Variants in APOA4 observed in about 807,000 individuals in gnomAD.
APOA4 encodes apolipoprotein A4.
APOA4 carries 25 observed loss-of-function variants against 33.6 expected under a neutral mutation model. The ratio of observed to expected loss-of-function variants is 0.74; its 90% CI spans 0.54 to 1.04. APOA4 has a LOEUF of 1.04. Among genes scored for constraint, APOA4 ranks in the 50% least tolerant of loss-of-function variants. APOA4 has a pLI of 0.00. For synonymous variants in APOA4, 228 were observed against 224.0 expected (o/e 1.02, Z -0.16); for missense variants, 549 against 510.4 (o/e 1.08, Z -0.73).
intron 2 of APOA4, 31 bp downstream of exon 2, chr11:116,822,628 C>T (rs770663902): frequency 9.2e-5 from 149 of 1,614,016 alleles, no homozygotes; most frequent in Middle Eastern, 3.3e-4. Context: ...AAGAATTCCC[C>T]GTCACCACCG....
intron 1 of APOA4, 128 bp from the exon 2 acceptor site, chr11:116,822,913 C>G: frequency 3.9e-6 from 6 of 1,519,218 alleles, no homozygotes; most frequent in South Asian, 1.1e-5. Context: ...CTGAGCTTAG[C>G]TTTTTGGAAG....
chr11:116,821,792 T>A lies in APOA4; in HGVS notation c.266A>T (p.Glu89Val). Residue 89 changes from glutamate (E) to valine (V), a missense_variant, in exon 3 of 3, where the codon GAA becomes GTA. Physicochemically the swap from Glu to Val is moderately radical, Grantham distance 121. Transcript: ENST00000357780. ...TTTCTCCGAGTCCTTGGCCAGGCGT[T>A]CATGCAGCTCGGTGGCAAAGGGCAC... ...KLVPFATELH[E>V]RLAKDSEKLK... 6.3e-7 allele frequency: 1 copy of A among 1,593,178 alleles called. No homozygotes were observed. Among genetic ancestry groups the A allele is most frequent in the Non-Finnish European group, 8.6e-7 (1 of 1,160,898 alleles).
At chr11:116,822,595 T>C (rs1941339418) in intron 2 of APOA4, 64 bp downstream of exon 2, 2 of 1,613,016 alleles carry the variant, frequency 1.2e-6, no homozygotes. Context: ...GCTCAACCCT[T>C]GCCAGTACAT....
chr11:116,821,941 T>C, intron 2 of APOA4, 60 bp from the exon 3 acceptor site: 1 of 1,601,570 alleles, frequency 6.2e-7, no homozygotes, highest in Non-Finnish European at 8.5e-7. Context: ...CAAGACTTTG[T>C]CTGCTTGTAT....
rs764465586 is a variant in APOA4 at position 116,821,299 on chromosome 11, C to T, written c.759G>A (p.Lys253=). The change falls in exon 3 of 3, where the codon AAG becomes AAA. Residue 253 remains lysine, a synonymous_variant. Coordinates refer to ENST00000357780, the MANE Select transcript of APOA4 (RefSeq NM_000482.4). ...CCTCGGCACTGGCCGAGATCCTGGC[C>T]TTGAGCTCCTCGGCGTTCTTCTTCA... ...FQMKKNAEEL[K]ARISASAEEL... is the part of the protein sequence containing the mutation. 6.2e-7 allele frequency: 1 copy of T among 1,613,910 alleles called. No individual in the cohort carries two copies. Among genetic ancestry groups the T allele is most frequent in the South Asian group, 1.1e-5 (1 of 91,088 alleles).
chr11:116,822,936 G>T, intron 1 of APOA4, 151 bp from the exon 2 acceptor site: 1 of 1,424,726 alleles, frequency 7.0e-7, no homozygotes, highest in Non-Finnish European at 9.7e-7. Flanking sequence ...ACAGGGATAT[G>T]TGAAACTGGT....
At chr11:116,821,968 A>G in intron 2 of APOA4, 87 bp from the exon 3 acceptor site, 1 of 1,561,986 alleles carries the variant, frequency 6.4e-7, no homozygotes, top group Non-Finnish European at 8.7e-7. Context: ...CGCCTTATGC[A>G]CACGTGCTAG....
In APOA4 at chr11:116,821,065, G is replaced by A. The variant is rs1941313983; in HGVS notation, c.993C>T (p.Pro331=). The change falls in exon 3 of 3, where the codon CCC becomes CCT. Residue 331 remains proline (P), a synonymous_variant. Transcript: ENST00000357780. The stretch of plus-strand genomic sequence containing the variant: ...AGTGGCCTTCCACGTCCCCCGCATG[G>A]GGGCCCAGTTTCTGCCTGAGCTGTT... ...QMEQLRQKLG[P]HAGDVEGHLS... 6.2e-7 allele frequency: 1 copy of A among 1,614,194 alleles called. No homozygotes were observed. The highest frequency in any genetic ancestry group is 8.5e-7 in the Non-Finnish European group (1 of 1,180,046).
At position 116,823,256 on chromosome 11, in the gene APOA4, G is replaced by A; in HGVS notation, c.-65C>T. ...CTGGATCCTCCCTACAATCAGGGGAGCTGACAGAGAGGTCCTCAGGAGAGC... is the reference window on the plus strand; with the variant it reads ...CTGGATCCTCCCTACAATCAGGGGAACTGACAGAGAGGTCCTCAGGAGAGC... On this transcript the variant is annotated 5_prime_UTR_variant, in exon 1 of 3. Transcript: ENST00000357780. The A allele has an allele frequency of 6.3e-7, 1 of 1,594,722 alleles. No individual in the cohort carries two copies. Among genetic ancestry groups the A allele is most frequent in the Non-Finnish European group, 8.6e-7 (1 of 1,162,496 alleles).
In APOA4 at chr11:116,821,657, C is replaced by T. The variant is rs202096537; in HGVS notation, c.401G>A (p.Arg134His). ...IGDNLRELQQ[R>H]LEPYADQLRT... ...CAGCTGGTCCGCGTAGGGCTCCAGG[C>T]GCTGCTGAAGCTCTCGCAGGTTGTC... The change falls in exon 3 of 3, where the codon CGC becomes CAC. Residue 134 changes from arginine (R) to histidine (H), a missense_variant. Arg to His is a conservative substitution (Grantham distance 29). Transcript: ENST00000357780. 1.2e-4 allele frequency: 194 copies of T among 1,607,510 alleles called. No homozygotes were observed. The Admixed American group carries it at 3.1e-3, about 25-fold the overall frequency.
At position 116,821,203 on chromosome 11, in the gene APOA4, C is replaced by CA. The variant is rs1387804075; in HGVS notation, c.854dup (p.Gln286AlafsTer87). On this transcript the variant is annotated frameshift_variant, in exon 3 of 3. Coordinates refer to ENST00000357780, the MANE Select transcript of APOA4 (RefSeq NM_000482.4). LOFTEE classifies it high-confidence loss of function. ...CACCCAGCTCTGCCAGTGACTTCTG[C>CA]AGCCCCTCGGTGTTGCCCCTCAGGT... 6.2e-6 allele frequency: 10 copies of CA among 1,613,302 alleles called. No individual in the cohort carries two copies. Among genetic ancestry groups the CA allele is most frequent in the Non-Finnish European group, 8.5e-6 (10 of 1,180,044 alleles).
chr11:116,822,464 G>A (rs1941338337), intron 2 of APOA4, among the ~76,000 whole-genome samples, 195 bp downstream of exon 2: 1 of 152,180 alleles, frequency 6.6e-6, no homozygotes, highest in Admixed American at 6.5e-5. Context: ...CAAAGCAAAA[G>A]GACATGGCAG....
At chr11:116,822,880 C>A in intron 1 of APOA4, 95 bp from the exon 2 acceptor site, 2 of 1,582,918 alleles carry the variant, frequency 1.3e-6, no homozygotes, top group Non-Finnish European at 8.6e-7. Context: ...GGTGGGGGTG[C>A]CTCAACCTGC....
chr11:116,821,500 G>C lies in APOA4; in HGVS notation c.558C>G (p.Leu186=), dbSNP rs763514750. The stretch of plus-strand genomic sequence containing the variant: ...CCACGTTCTGGTCGATCTTGGCCTT[G>C]AGCTCGTCGGCGTGGGGCCTCAGCG... ...QASLRPHADE[L]KAKIDQNVEE... is the part of the protein sequence containing the mutation. The change falls in exon 3 of 3, where the codon CTC becomes CTG. Residue 186 remains leucine, a synonymous_variant. Transcript: ENST00000357780. 1 of 1,614,020 alleles carries C rather than the reference G, an allele frequency of 6.2e-7. No homozygotes were observed. The highest frequency in any genetic ancestry group is 8.5e-7 in the Non-Finnish European group (1 of 1,180,018).
At position 116,820,917 on chromosome 11, in the gene APOA4, G is replaced by T. The variant is rs372413717; in HGVS notation, c.1141C>A (p.Gln381Lys). The T allele has an allele frequency of 3.7e-6, 6 of 1,614,028 alleles. No individual in the cohort carries two copies. The African/African-American group carries it at 8.0e-5, about 22-fold the overall frequency. Residue 381 changes from glutamine to lysine, a missense_variant, in exon 3 of 3, where the codon CAG (glutamine) becomes AAG (lysine). Physicochemically the swap from Gln to Lys is moderately conservative, Grantham distance 53 (BLOSUM62 1). Transcript: ENST00000357780. Reference sequence around the variant, plus strand: ...TGCACCTGCTCCTGCTGCTGCTCCTGCTGCTGTTCCTGCTGTTGCTCCAGC... The same window carrying T: ...TGCACCTGCTCCTGCTGCTGCTCCTTCTGCTGTTCCTGCTGTTGCTCCAGC... ...PELEQQQEQQ[Q>K]EQQQEQVQML...
intron 2 of APOA4, 92 bp from the exon 3 acceptor site, chr11:116,821,973 T>A (rs1941332961): frequency 6.5e-7 from 1 of 1,546,894 alleles, no homozygotes; most frequent in African/African-American, 1.4e-5. Context: ...TATGCACACG[T>A]GCTAGGACAG....
At chr11:116,822,483 C>T (rs552521361) in intron 2 of APOA4, among the ~76,000 whole-genome samples, 176 bp downstream of exon 2, 5 of 152,306 alleles carry the variant, frequency 3.3e-5, no homozygotes, top group East Asian at 3.9e-4. Context: ...AGGGATTATT[C>T]GGTCCAAACT....
Position 116,821,233 on chromosome 11 carries a change from ACGC to A in APOA4, c.822_824del (p.Arg275del). The A allele has an allele frequency of 1.2e-6, 2 of 1,613,160 alleles. No individual in the cohort carries two copies. The highest frequency in any genetic ancestry group is 1.7e-6 in the Non-Finnish European group (2 of 1,180,036). On this transcript the variant is annotated inframe_deletion, in exon 3 of 3. Coordinates refer to ENST00000357780, the MANE Select transcript of APOA4 (RefSeq NM_000482.4). ...CCTCGGTGTTGCCCCTCAGGTTGCCACGCACGTCCTCGGCCAAGGGCGCCAGCC... is the reference window on the plus strand; with the variant it reads ...CCTCGGTGTTGCCCCTCAGGTTGCCAACGTCCTCGGCCAAGGGCGCCAGCC...
rs1450254668 is a variant in APOA4 at position 116,823,293 on chromosome 11, G to T, written c.-102C>A. 7.2e-7 allele frequency: 1 copy of T among 1,379,414 alleles called. No homozygotes were observed. The highest frequency in any genetic ancestry group is 1.0e-6 in the Non-Finnish European group (1 of 967,598). The allele number at this position is 1,379,414 out of a possible 1,614,324, so 85.4% of individuals were successfully genotyped here. ...GTCCTCAGGAGAGCTCACCTGCGCT[G>T]CAGTGGGAACTGACTGAAGCTCAGA... On this transcript the variant is annotated 5_prime_UTR_variant, in exon 1 of 3. Coordinates refer to ENST00000357780, the MANE Select transcript of APOA4 (RefSeq NM_000482.4).
Sources: allele counts gnomAD v4.1 joint callset (sites outside exome capture counted in the v4.1 genomes callset), GRCh38; gene constraint gnomAD v4.1.1; transcripts MANE v1.5; gene names NCBI Gene and HGNC (gene_info 2026-07-23, HGNC 2026-07-21).